Variants in CYP27A1 observed in about 807,000 individuals in gnomAD.
CYP27A1 encodes the protein cytochrome P450 family 27 subfamily A member 1.
In CYP27A1, 46 loss-of-function variants were observed where a neutral mutation model predicts 58.2. The observed-to-expected ratio is 0.79, with a 90% CI of 0.62 to 1.01. The LOEUF (loss-of-function observed/expected upper bound fraction) is 1.01. CYP27A1 is among the 50% of genes least tolerant of loss of function. The pLI, the probability that CYP27A1 is intolerant of heterozygous loss-of-function variation, is 0.00. For missense variants in CYP27A1, 704 were observed against 687.0 expected (o/e 1.02, Z -0.28); for synonymous variants, 274 against 285.1 (o/e 0.96, Z 0.39).
In CYP27A1 at chr2:218,782,449, G is replaced by C; in HGVS notation, c.255+12G>C. Reference sequence around the variant, plus strand: ...TGCACCAGTTACAGGTAACCCGCGGGGGCATCGCGTCCTGGGGATGGGAGT... The same window carrying C: ...TGCACCAGTTACAGGTAACCCGCGGCGGCATCGCGTCCTGGGGATGGGAGT... On this transcript the variant is annotated intron_variant, in intron 1 of 8. Coordinates refer to ENST00000258415, the MANE Select transcript of CYP27A1 (RefSeq NM_000784.4). The surrounding 1 kb of genome is among the most constrained non-coding windows in gnomAD (Gnocchi z 4.1). 6.2e-7 allele frequency: 1 copy of C among 1,614,118 alleles called. No individual in the cohort carries two copies. The highest frequency in any genetic ancestry group is 8.5e-7 in the Non-Finnish European group (1 of 1,180,006).
At chr2:218,787,964 G>A (rs1418613316) in intron 1 of CYP27A1, among the ~76,000 whole-genome samples, 1 of 152,230 alleles carries the variant, frequency 6.6e-6, no homozygotes, top group Non-Finnish European at 1.5e-5. Context: ...AACCGTGGTT[G>A]CTTAAAACAA....
chr2:218,793,400 C>G lies in CYP27A1; in HGVS notation c.255+10963C>G, dbSNP rs934572440. ...CTAAAAGATACTTAAAAACAAAAAA[C>G]CTGTACTCTTTGATAAAGGAGACTC... On this transcript the variant is annotated intron_variant, in intron 1 of 8. Coordinates refer to ENST00000258415, the MANE Select transcript of CYP27A1 (RefSeq NM_000784.4). 4.6e-5 allele frequency among the ~76,000 whole-genome samples: 7 copies of G among 152,258 alleles called. No homozygotes were observed. In the East Asian group the frequency reaches 5.8e-4, roughly 13 times the overall value.
chr2:218,809,894 T>A, intron 2 of CYP27A1, 127 bp downstream of exon 2: 4 of 825,012 alleles, frequency 4.8e-6, no homozygotes, highest in Non-Finnish European at 7.5e-6. Flanking sequence ...CCTGATGGTC[T>A]AGAGAGCAGT....
chr2:218,801,704 T>C (rs1343787262), intron 1 of CYP27A1, among the ~76,000 whole-genome samples: 1 of 152,162 alleles, frequency 6.6e-6, no homozygotes, highest in African/African-American at 2.4e-5. Context: ...TCTGCATAGA[T>C]ATACTATTTA....
intron 1 of CYP27A1, among the ~76,000 whole-genome samples, chr2:218,801,978 G>GT (rs1943603775): frequency 1.4e-5 from 1 of 71,034 alleles, no homozygotes; most frequent in African/African-American, 6.9e-5. Flanking sequence ...CTGCTAGCAG[G>GT]CTTTTTTTTT....
chr2:218,814,523 G>A (rs200977221), intron 7 of CYP27A1, 22 bp from the exon 8 acceptor site: 4 of 1,613,730 alleles, frequency 2.5e-6, no homozygotes, highest in Non-Finnish European at 3.4e-6. Flanking sequence ...AGGCATTCAT[G>A]CTGCCCAATC....
intron 1 of CYP27A1, among the ~76,000 whole-genome samples, chr2:218,787,899 A>G (rs950034089): frequency 6.6e-6 from 1 of 152,246 alleles, no homozygotes; most frequent in East Asian, 1.9e-4. Context: ...ATAATACTCC[A>G]TTGCACTAGA....
chr2:218,814,789 G>A lies in CYP27A1; in HGVS notation c.1476+32G>A, dbSNP rs368499036. The A allele has an allele frequency of 3.7e-6, 6 of 1,613,450 alleles. No homozygotes were observed. The African/African-American group carries it at 5.3e-5, about 14-fold the overall frequency. ...TGGGAGAGGCTAGTAGGGTGTGTGG[G>A]CAGGGAGGGGTGGAGGAGTCCTGGG... On this transcript the variant is annotated intron_variant, in intron 8 of 8. Transcript: ENST00000258415.
At chr2:218,813,307 A>G (rs1307536900) in intron 5 of CYP27A1, among the ~76,000 whole-genome samples, 1 of 152,192 alleles carries the variant, frequency 6.6e-6, no homozygotes, top group Non-Finnish European at 1.5e-5. Context: ...GAAGGATGCC[A>G]TCACCTCCTG....
intron 1 of CYP27A1, among the ~76,000 whole-genome samples, chr2:218,807,639 CAG>C (rs1470565929): frequency 1.3e-5 from 2 of 152,076 alleles, no homozygotes; most frequent in Admixed American, 1.3e-4. Flanking sequence ...TATTTAGAGA[CAG>C]AGTCTCACTC....
chr2:218,791,803 A>G (rs1336747057), intron 1 of CYP27A1, among the ~76,000 whole-genome samples: 1 of 152,204 alleles, frequency 6.6e-6, no homozygotes, highest in Non-Finnish European at 1.5e-5. Flanking sequence ...TCAGTGAACC[A>G]TGAAAAGCTT....
In CYP27A1 at chr2:218,812,412, G is replaced by A; in HGVS notation, c.637G>A (p.Ala213Thr). The change falls in exon 3 of 9, where the codon GCC becomes ACC. Residue 213 changes from alanine to threonine, a missense_variant. Physicochemically the swap from Ala to Thr is moderately conservative, Grantham distance 58 (BLOSUM62 0). Coordinates refer to ENST00000258415, the MANE Select transcript of CYP27A1 (RefSeq NM_000784.4). ...SDMAQLFYYF[A>T]LEAICYILFE... ...CATGGCTCAACTCTTCTACTACTTTGCCTTGGAAGGTACCCTTGCTGGGAG... is the reference window on the plus strand; with the variant it reads ...CATGGCTCAACTCTTCTACTACTTTACCTTGGAAGGTACCCTTGCTGGGAG... 6.2e-7 allele frequency: 1 copy of A among 1,614,164 alleles called. No homozygotes were observed. The highest frequency in any genetic ancestry group is 8.5e-7 in the Non-Finnish European group (1 of 1,180,020).
intron 1 of CYP27A1, among the ~76,000 whole-genome samples, chr2:218,800,430 A>G (rs1943588054): frequency 1.3e-5 from 2 of 152,190 alleles, no homozygotes; most frequent in East Asian, 1.9e-4. Context: ...AAATAAAAAT[A>G]AATAAACAAA....
intron 1 of CYP27A1, among the ~76,000 whole-genome samples, chr2:218,786,776 G>A (rs1388574413): frequency 6.6e-6 from 1 of 151,592 alleles, no homozygotes; most frequent in Admixed American, 6.6e-5. Context: ...GTCATTTTAT[G>A]TTATCATATT....
At chr2:218,789,803 T>C (rs1446412486) in intron 1 of CYP27A1, among the ~76,000 whole-genome samples, 1 of 152,178 alleles carries the variant, frequency 6.6e-6, no homozygotes, top group African/African-American at 2.4e-5. Context: ...ATTTATTTGG[T>C]CTTGGAACCC....
chr2:218,810,862 A>G (rs1943706474), intron 2 of CYP27A1, among the ~76,000 whole-genome samples: 1 of 152,156 alleles, frequency 6.6e-6, no homozygotes, highest in African/African-American at 2.4e-5. Context: ...ATTAAAAAAA[A>G]TTTGACTGGG....
Position 218,813,005 on chromosome 2 carries a change from G to A in CYP27A1, c.926G>A (p.Gly309Asp). 6.2e-7 allele frequency: 1 copy of A among 1,614,220 alleles called. No homozygotes were observed. The highest frequency in any genetic ancestry group is 8.5e-7 in the Non-Finnish European group (1 of 1,180,030). ...AAGPDGIQVS[G>D]YLHFLLASGQ... ...GGGCCAGATGGCATCCAGGTGTCTG[G>A]CTACCTGCACTTCTTACTGGCCAGT... The change falls in exon 5 of 9, where the codon GGC becomes GAC. Residue 309 changes from glycine to aspartate, a missense_variant. Transcript: ENST00000258415.
In CYP27A1 at chr2:218,815,027, C is replaced by T. The variant is rs1481894464; in HGVS notation, c.1593C>T (p.Cys531=). 3.7e-6 allele frequency: 6 copies of T among 1,614,206 alleles called. No homozygotes were observed. The highest frequency in any genetic ancestry group is 5.1e-6 in the Non-Finnish European group (6 of 1,180,034). ...KVGLQFLQRQ[C] is the part of the protein sequence containing the mutation. ...GCCTGCAGTTCCTGCAGAGACAGTG[C>T]TGAGCTGAGTCTCCGCCTTGCTGGG... The change falls in exon 9 of 9, where the codon TGC becomes TGT. Residue 531 remains cysteine, a synonymous_variant. Transcript: ENST00000258415.
At chr2:218,801,650 G>A (rs1412081219) in intron 1 of CYP27A1, among the ~76,000 whole-genome samples, 13 of 152,026 alleles carry the variant, frequency 8.6e-5, no homozygotes, top group Non-Finnish European at 1.5e-5. Flanking sequence ...ATATCTTCAT[G>A]ATATATATTC....
Sources: gnomAD v4.1 joint callset for allele counts (sites outside exome capture counted in the v4.1 genomes callset) on GRCh38, gnomAD v4.1.1 for gene constraint, Gnocchi (gnomAD v3.1) non-coding constraint, MANE v1.5 for transcripts, NCBI Gene and HGNC (gene_info 2026-07-23, HGNC 2026-07-21) for gene names.